Variants in FAT1 observed in about 807,000 individuals in gnomAD.
The protein encoded by FAT1 is FAT atypical cadherin 1.
In FAT1, 171 loss-of-function variants were observed where a neutral mutation model predicts 329.8. The observed-to-expected ratio is 0.52, with a 90% confidence interval of 0.46 to 0.59. The LOEUF (loss-of-function observed/expected upper bound fraction) is 0.59. FAT1 is among the 20% of genes least tolerant of loss of function. FAT1 has a pLI of 0.00. For synonymous variants in FAT1, 2,233 were observed against 2,228.6 expected (o/e 1.00, Z -0.06); for missense variants, 5,672 against 5,774.4 (o/e 0.98, Z 0.57).
chr4:186,601,542 T>C, intron 20 of FAT1, 116 bp from the exon 21 acceptor site: 1 of 745,772 alleles, frequency 1.3e-6, no homozygotes, highest in East Asian at 2.7e-5. Flanking sequence ...GATGATAACA[T>C]TTTACTATCC....
intron 2 of FAT1, among the ~76,000 whole-genome samples, chr4:186,703,830 C>G (rs1213475074): frequency 6.6e-6 from 1 of 152,220 alleles, no homozygotes; most frequent in African/African-American, 2.4e-5. Flanking sequence ...CATCTTTCCA[C>G]ACTTCCTTCA....
In FAT1 at chr4:186,596,560, C is replaced by T. The variant is rs1310725316; in HGVS notation, c.12980G>A (p.Ser4327Asn). 9 of 1,612,872 alleles carry T rather than the reference C, an allele frequency of 5.6e-6. No individual in the cohort carries two copies. In the East Asian group the frequency reaches 6.7e-5, roughly 12 times the overall value. ...CTTACTGTCATAGTCAAAGTCCCAG[C>T]TAGGCTTCTGGATGGAGTCGCTGTC... ...PSDSDSIQKP[S>N]WDFDYDTKVV... The change falls in exon 25 of 27, where the codon AGC (serine) becomes AAC (asparagine). Residue 4327 changes from serine to asparagine, a missense_variant. Physicochemically the swap from Ser to Asn is conservative, Grantham distance 46. Transcript: ENST00000441802. The surrounding 1 kb of genome is among the most constrained non-coding windows in gnomAD (Gnocchi z 4.7).
chr4:186,724,284 A>G (rs1261028923), upstream of FAT1, among the ~76,000 whole-genome samples: 1 of 149,308 alleles, frequency 6.7e-6, no homozygotes, highest in Admixed American at 6.7e-5. The surrounding 1 kb of genome is among the most constrained non-coding windows in gnomAD (Gnocchi z 5.3). Context: ...CTGAATCTGC[A>G]TTTGAATGGC....
chr4:186,678,668 T>C (rs1404860415), intron 2 of FAT1, among the ~76,000 whole-genome samples: 1 of 150,668 alleles, frequency 6.6e-6, no homozygotes, highest in Non-Finnish European at 1.5e-5. Flanking sequence ...TAAATATATA[T>C]ACATAGGCCT....
intron 3 of FAT1, among the ~76,000 whole-genome samples, chr4:186,657,508 C>T (rs1741959193): frequency 1.3e-5 from 2 of 152,134 alleles, no homozygotes; most frequent in South Asian, 2.1e-4. Context: ...AGGGGGAATA[C>T]AGAGAAGTGT....
chr4:186,713,317 A>G (rs913013405), intron 1 of FAT1, among the ~76,000 whole-genome samples: 2 of 152,068 alleles, frequency 1.3e-5, no homozygotes, highest in Non-Finnish European at 2.9e-5. Flanking sequence ...GGTATTTTGT[A>G]GGATGTCCCT....
intron 11 of FAT1, among the ~76,000 whole-genome samples, chr4:186,615,621 G>T (rs1739673449): frequency 6.6e-6 from 1 of 152,038 alleles, no homozygotes; most frequent in Non-Finnish European, 1.5e-5. Context: ...GACCCAAATG[G>T]TCTGTTTCGC....
chr4:186,676,178 A>G (rs543659950), intron 2 of FAT1, among the ~76,000 whole-genome samples: 29 of 152,228 alleles, frequency 1.9e-4, no homozygotes, highest in Non-Finnish European at 3.5e-4. Context: ...TTACACAAAG[A>G]CCAAACAAAT....
intron 17 of FAT1, 43 bp downstream of exon 17, chr4:186,606,027 C>A (rs756273755): frequency 6.3e-7 from 1 of 1,579,196 alleles, no homozygotes; most frequent in South Asian, 1.2e-5. Flanking sequence ...TGGAAAAGCT[C>A]ATTTCAAAGA....
chr4:186,628,822 T>A, intron 7 of FAT1, 59 bp from the exon 8 acceptor site: 1 of 1,509,436 alleles, frequency 6.6e-7, no homozygotes, highest in South Asian at 1.3e-5. Context: ...TTTTAATACT[T>A]AAAGAACCAT....
intron 2 of FAT1, among the ~76,000 whole-genome samples, chr4:186,668,126 C>G (rs111688178): frequency 7.2e-5 from 11 of 152,250 alleles, no homozygotes; most frequent in African/African-American, 2.4e-4. Flanking sequence ...AGGCACTGCA[C>G]AAAGTGGGTG....
chr4:186,601,662 T>C (rs1047885416), intron 20 of FAT1: 4 of 366,498 alleles, frequency 1.1e-5, no homozygotes, highest in Admixed American at 4.2e-5. Context: ...AATTCTAAAG[T>C]AATGAAAGAT....
chr4:186,611,136 A>C (rs1739424020), intron 14 of FAT1, among the ~76,000 whole-genome samples: 1 of 152,086 alleles, frequency 6.6e-6, no homozygotes, highest in African/African-American at 2.4e-5. Flanking sequence ...TGCTGCTTTG[A>C]TTTTCTATTT....
chr4:186,628,593 A>G lies in FAT1; in HGVS notation c.4494T>C (p.Asp1498=). Residue 1498 remains aspartate, a synonymous_variant, in exon 8 of 27, where the codon GAT becomes GAC. Transcript: ENST00000441802. Reference sequence around the variant, plus strand: ...GACGAAATTTCTTGAGACTCAGTGGATCTCTACTGCTCTGCAGAGTGTAGA... The same window carrying G: ...GACGAAATTTCTTGAGACTCAGTGGGTCTCTACTGCTCTGCAGAGTGTAGA... ...KLIYTLQSSR[D]PLSLKKFRLD... 1 of 1,613,940 alleles carries G rather than the reference A, an allele frequency of 6.2e-7. No homozygotes were observed. Among genetic ancestry groups the G allele is most frequent in the Non-Finnish European group, 8.5e-7 (1 of 1,179,884 alleles).
intron 3 of FAT1, among the ~76,000 whole-genome samples, chr4:186,644,202 T>G (rs1209002253): frequency 6.6e-6 from 1 of 152,158 alleles, no homozygotes; most frequent in East Asian, 1.9e-4. Context: ...CAACACTCCA[T>G]GAACTCTGAA....
rs749881868 is a variant in FAT1, at chr4:186,709,630, T to G, written c.198A>C (p.Pro66=). The stretch of plus-strand genomic sequence containing the variant: ...CAATTTTGTACCTTACTTCCCACGC[T>G]GGATGTGTAATGTAAACACCCATCT... The part of the protein sequence containing the change: ...PVKMGVYITH[P]AWEVRYKIVS... Residue 66 remains proline (P), a synonymous_variant, in exon 2 of 27, where the codon CCA becomes CCC. Coordinates refer to ENST00000441802, the MANE Select transcript of FAT1 (RefSeq NM_005245.4). 2.5e-6 allele frequency: 4 copies of G among 1,613,888 alleles called. No individual in the cohort carries two copies. In the African/African-American group the frequency reaches 5.3e-5, roughly 22 times the overall value.
chr4:186,695,760 AACACACACACACACACAC>A (rs34932295), intron 2 of FAT1, among the ~76,000 whole-genome samples: 2 of 141,338 alleles, frequency 1.4e-5, no homozygotes, highest in Admixed American at 7.2e-5. Flanking sequence ...TTATATATAA[AACACACACACACACACAC>A]ACACACACAC....
intron 1 of FAT1, among the ~76,000 whole-genome samples, chr4:186,714,199 T>C (rs227585): frequency 0.79 from 119,836 of 151,814 alleles, 47,578 homozygotes; most frequent in African/African-American, 0.84. Flanking sequence ...ACAACACAGG[T>C]GGAGCGCGTG....
intron 17 of FAT1, among the ~76,000 whole-genome samples, chr4:186,605,197 T>C (rs1579305500): frequency 1.7e-5 from 2 of 116,208 alleles, no homozygotes; most frequent in Admixed American, 1.1e-4. Flanking sequence ...GCCTGGGCAA[T>C]GAGTGTAACT....
Sources: gnomAD v4.1 joint callset for allele counts (sites outside exome capture counted in the v4.1 genomes callset) on GRCh38, gnomAD v4.1.1 for gene constraint, Gnocchi (gnomAD v3.1) non-coding constraint, MANE v1.5 for transcripts, NCBI Gene and HGNC (gene_info 2026-07-23, HGNC 2026-07-21) for gene names.